The following MACROD2 variants were observed in gnomAD, a reference collection of about 807,000 sequenced individuals.
MACROD2 encodes mono-ADP ribosylhydrolase 2.
Under a neutral mutation model 70.4 loss-of-function variants are expected in MACROD2, and 36 were observed. The observed-to-expected ratio is 0.51, with a 90% CI of 0.39 to 0.68. The LOEUF (loss-of-function observed/expected upper bound fraction) is 0.68. Ranked by LOEUF, MACROD2 falls within the 30% of genes least tolerant of loss-of-function variation. The pLI is 0.00. For missense variants in MACROD2, 496 were observed against 538.4 expected (o/e 0.92, Z 0.78); for synonymous variants, 172 against 178.8 (o/e 0.96, Z 0.30).
At chr20:14,614,048 C>G (rs1415962654) in intron 4 of MACROD2, among the ~76,000 whole-genome samples, 2 of 151,994 alleles carry the variant, frequency 1.3e-5, no homozygotes, top group Non-Finnish European at 2.9e-5. Context: ...ATAAATTTTA[C>G]TCAACACAAA....
At chr20:14,257,255 G>T (rs1173535297) in intron 3 of MACROD2, among the ~76,000 whole-genome samples, 2 of 148,852 alleles carry the variant, frequency 1.3e-5, no homozygotes, top group African/African-American at 5.1e-5. Context: ...TCTTGGCTAG[G>T]CACCAAGGTC....
intron 5 of MACROD2, among the ~76,000 whole-genome samples, chr20:15,084,156 C>G (rs780821388): frequency 6.6e-6 from 1 of 151,012 alleles, no homozygotes; most frequent in East Asian, 1.9e-4. Context: ...ACCTCTGCCT[C>G]CCGGGTTCAA....
intron 3 of MACROD2, among the ~76,000 whole-genome samples, chr20:14,442,721 C>G (rs946651574): frequency 3.9e-5 from 6 of 152,014 alleles, no homozygotes; most frequent in East Asian, 1.9e-4. Context: ...ATAACCTGGC[C>G]TTGCTTGGTC....
chr20:14,013,442 T>G (rs983404470), intron 2 of MACROD2, among the ~76,000 whole-genome samples: 6 of 151,554 alleles, frequency 4.0e-5, no homozygotes, highest in African/African-American at 1.5e-4. Flanking sequence ...CCGGCTAATT[T>G]TTTGTATTTT....
chr20:14,191,050 C>T (rs950322457), intron 3 of MACROD2, among the ~76,000 whole-genome samples: 1 of 151,996 alleles, frequency 6.6e-6, no homozygotes, highest in East Asian at 1.9e-4. Flanking sequence ...TCATTTTATC[C>T]TGGTTGGTTT....
intron 3 of MACROD2, among the ~76,000 whole-genome samples, chr20:14,362,348 A>G (rs898684203): frequency 6.6e-6 from 1 of 152,162 alleles, no homozygotes; most frequent in African/African-American, 2.4e-5. Context: ...TGATTGCTGG[A>G]GTCAGTATGC....
chr20:15,229,112 T>C (rs1486783695), intron 5 of MACROD2, among the ~76,000 whole-genome samples: 2 of 152,164 alleles, frequency 1.3e-5, no homozygotes, highest in Admixed American at 1.3e-4. Flanking sequence ...TTTCTTCTGC[T>C]CTTTCTTAAA....
intron 8 of MACROD2, among the ~76,000 whole-genome samples, chr20:15,535,907 T>G (rs1245701370): frequency 1.3e-5 from 2 of 152,204 alleles, no homozygotes; most frequent in Non-Finnish European, 2.9e-5. Context: ...AGCATAGGTA[T>G]GCTGTTTCAC....
At chr20:14,525,092 C>T (rs920988034) in intron 4 of MACROD2, among the ~76,000 whole-genome samples, 3 of 152,256 alleles carry the variant, frequency 2.0e-5, no homozygotes, top group Admixed American at 2.0e-4. Context: ...CCCTTTATAA[C>T]TGGCCATTTG....
At chr20:15,841,509 A>G (rs538599188) in intron 8 of MACROD2, among the ~76,000 whole-genome samples, 184 of 152,260 alleles carry the variant, frequency 1.2e-3, no homozygotes, top group Non-Finnish European at 2.4e-3. Flanking sequence ...CACGTCTTAC[A>G]TGGTGGAAGC....
At chr20:15,815,413 CTT>C (rs35634648) in intron 8 of MACROD2, among the ~76,000 whole-genome samples, 1 of 147,396 alleles carries the variant, frequency 6.8e-6, no homozygotes. Context: ...AACAATAGTT[CTT>C]TTTTTTTTTA....
intron 5 of MACROD2, among the ~76,000 whole-genome samples, chr20:14,865,103 C>T (rs1253409655): frequency 6.6e-6 from 1 of 152,034 alleles, no homozygotes; most frequent in African/African-American, 2.4e-5. Context: ...GGGAACATAC[C>T]TCCCACAGGC....
chr20:15,327,741 C>T (rs1044303298), intron 6 of MACROD2, among the ~76,000 whole-genome samples: 1 of 152,038 alleles, frequency 6.6e-6, no homozygotes, highest in African/African-American at 2.4e-5. Flanking sequence ...TTTTCTCATA[C>T]ACCAGCATGC....
At chr20:14,551,950 T>C (rs1275531496) in intron 4 of MACROD2, among the ~76,000 whole-genome samples, 1 of 152,132 alleles carries the variant, frequency 6.6e-6, no homozygotes, top group Non-Finnish European at 1.5e-5. Context: ...TTTCACTTTT[T>C]TGAGTGAAGT....
At chr20:14,942,138 C>T (rs1488366674) in intron 5 of MACROD2, among the ~76,000 whole-genome samples, 1 of 152,048 alleles carries the variant, frequency 6.6e-6, no homozygotes, top group Admixed American at 6.6e-5. Context: ...CAATGTGTTG[C>T]TTTTTCTTGC....
At chr20:14,977,812 G>T (rs552396739) in intron 5 of MACROD2, among the ~76,000 whole-genome samples, 1 of 152,098 alleles carries the variant, frequency 6.6e-6, no homozygotes, top group Non-Finnish European at 1.5e-5. Flanking sequence ...GGGAGAAAAA[G>T]ACAAAACATG....
intron 5 of MACROD2, among the ~76,000 whole-genome samples, chr20:15,202,460 A>G (rs2029881616): frequency 6.6e-6 from 1 of 152,202 alleles, no homozygotes; most frequent in South Asian, 2.1e-4. Context: ...CACTAAATTT[A>G]GTATTCATCT....
rs191675404 is a variant in MACROD2 at position 15,674,292 on chromosome 20, A to T, written c.645+174445A>T. ...CTCAATTTAAACTAGGAGGGGAATT[A>T]TAGAAGGCCTCACTGGAGAGGGGGC... is the stretch of plus-strand genomic sequence containing the variant. On this transcript the variant is annotated intron_variant, in intron 8 of 17. Coordinates refer to ENST00000684519, the MANE Select transcript of MACROD2 (RefSeq NM_001351661.2). Among the ~76,000 whole-genome samples, 719 of 152,282 alleles carry T rather than the reference A, an allele frequency of 4.7e-3. 7 individuals carry two copies. Among genetic ancestry groups the T allele is most frequent in the Middle Eastern group, 0.024 (7 of 294 alleles).
At chr20:15,012,816 C>G (rs1455024278) in intron 5 of MACROD2, among the ~76,000 whole-genome samples, 3 of 152,156 alleles carry the variant, frequency 2.0e-5, no homozygotes, top group Non-Finnish European at 4.4e-5. Context: ...TCAGCCGTCC[C>G]AGTCTCAGAA....
Sources: gnomAD v4.1 joint callset for allele counts (sites outside exome capture counted in the v4.1 genomes callset) on GRCh38, gnomAD v4.1.1 for gene constraint, MANE v1.5 for transcripts, NCBI Gene and HGNC (gene_info 2026-07-23, HGNC 2026-07-21) for gene names.